NSFL1C: variants seen among roughly 807,000 people sequenced by gnomAD.
NSFL1C encodes NSFL1 cofactor p47.
A neutral mutation model predicts 43.1 loss-of-function variants in NSFL1C; 14 were observed. That is an observed-to-expected ratio of 0.32 (90% CI 0.21 to 0.51). The LOEUF is 0.51. NSFL1C is among the 20% of genes least tolerant of loss of function. NSFL1C has a pLI of 0.98. For synonymous variants in NSFL1C, 171 were observed against 183.5 expected, an observed-to-expected ratio of 0.93 and a Z score of 0.55; for missense variants, 406 against 472.5, an observed-to-expected ratio of 0.86 and a Z score of 1.30.
At chr20:1,444,379 G>A (rs1327577984) in intron 8 of NSFL1C, among the ~76,000 whole-genome samples, 1 of 152,194 alleles carries the variant, frequency 6.6e-6, no homozygotes, top group East Asian at 1.9e-4. Context: ...TCTGATTAGT[G>A]TCTCCTCCTG....
intron 2 of NSFL1C, among the ~76,000 whole-genome samples, chr20:1,460,346 C>G (rs1485785963): frequency 6.6e-6 from 1 of 152,172 alleles, no homozygotes; most frequent in African/African-American, 2.4e-5. Context: ...GAATCAGAGC[C>G]TCTGGAAGGG....
chr20:1,457,303 T>A (rs570938306), intron 3 of NSFL1C, among the ~76,000 whole-genome samples: 4 of 152,356 alleles, frequency 2.6e-5, no homozygotes, highest in East Asian at 1.9e-4. Context: ...CCTTATTTTT[T>A]AAAATTGTAA....
intron 1 of NSFL1C, among the ~76,000 whole-genome samples, chr20:1,465,710 C>A (rs1223526347): frequency 6.6e-6 from 1 of 152,190 alleles, no homozygotes; most frequent in Admixed American, 6.5e-5. Flanking sequence ...CTAGTCTTTA[C>A]CTCATAGTGT....
chr20:1,466,812 G>T lies in NSFL1C; in HGVS notation c.13C>A (p.Arg5=). 1 of 1,544,714 alleles carries T rather than the reference G, an allele frequency of 6.5e-7. No individual in the cohort carries two copies. The highest frequency in any genetic ancestry group is 1.2e-5 in the South Asian group (1 of 83,824). MAAE[R]QEALREFVAV... is the part of the protein sequence containing the mutation. ...ACGAACTCCCTCAGCGCCTCCTGTC[G>T]CTCCGCCGCCATCTTCGCCCCGTGC... The change falls in exon 1 of 9, where the codon CGA becomes AGA. Residue 5 remains arginine, a synonymous_variant. Coordinates refer to ENST00000216879, the MANE Select transcript of NSFL1C (RefSeq NM_016143.5).
intron 7 of NSFL1C, among the ~76,000 whole-genome samples, chr20:1,451,734 A>T (rs1599947317): frequency 6.6e-6 from 1 of 152,248 alleles, no homozygotes; most frequent in East Asian, 1.9e-4. Flanking sequence ...GTCTGGTGGG[A>T]GAACCGTATG....
At chr20:1,447,978 T>C (rs1282972719) in intron 7 of NSFL1C, among the ~76,000 whole-genome samples, 1 of 152,222 alleles carries the variant, frequency 6.6e-6, no homozygotes, top group East Asian at 1.9e-4. Context: ...TCAGTATATA[T>C]TCTGTGTATT....
chr20:1,463,455 A>C (rs981981703), intron 2 of NSFL1C: 2 of 152,234 alleles, frequency 1.3e-5, no homozygotes, highest in African/African-American at 2.4e-5. Flanking sequence ...GATGGGAGTT[A>C]GGGAAAGAAG....
chr20:1,445,609 T>TC (rs2090040912), intron 8 of NSFL1C, 57 bp downstream of exon 8: 1 of 1,575,154 alleles, frequency 6.3e-7, no homozygotes, highest in African/African-American at 1.4e-5. Context: ...TCCCACACAT[T>TC]TGCGTGAGGC....
At chr20:1,458,127 T>C (rs2090339478) in intron 3 of NSFL1C, 73 bp downstream of exon 3, 1 of 1,163,114 alleles carries the variant, frequency 8.6e-7, no homozygotes, top group African/African-American at 1.5e-5. Flanking sequence ...TACCAGGTCC[T>C]GTTCTAGGTG....
At position 1,442,508 on chromosome 20, in the gene NSFL1C, C is replaced by G. The variant is rs1490480927; in HGVS notation, c.*1241G>C. On this transcript the variant is annotated 3_prime_UTR_variant, in exon 9 of 9. Transcript: ENST00000216879. ...ACATTACGATTCCAAACCAGGAGAT[C>G]CTGAGTCAGCACTGATTCTGTCTCT... is the stretch of plus-strand genomic sequence containing the variant. The G allele has an allele frequency of 6.6e-6, 1 of 152,180 alleles. No individual in the cohort carries two copies. Among genetic ancestry groups the G allele is most frequent in the Non-Finnish European group, 1.5e-5 (1 of 68,040 alleles). The allele number at this position is 152,180 out of a possible 1,614,324, so 9.4% of individuals were successfully genotyped here.
chr20:1,460,922 A>G (rs2090396720), intron 2 of NSFL1C, among the ~76,000 whole-genome samples: 1 of 152,202 alleles, frequency 6.6e-6, no homozygotes, highest in Admixed American at 6.6e-5. Flanking sequence ...TTGACCCTGC[A>G]TACAGGGGTG....
intron 2 of NSFL1C, among the ~76,000 whole-genome samples, chr20:1,461,008 G>A (rs150301167): frequency 5.3e-4 from 80 of 152,246 alleles, no homozygotes; most frequent in Middle Eastern, 3.4e-3. Flanking sequence ...TTGAATCTGT[G>A]GTAACAGCAG....
chr20:1,455,785 A>C (rs745907813), intron 3 of NSFL1C: 1 of 777,934 alleles, frequency 1.3e-6, no homozygotes, highest in South Asian at 1.3e-5. Flanking sequence ...AGAGTAATGC[A>C]CACAGGTAAG....
In NSFL1C at chr20:1,455,496, G is replaced by A. The variant is rs535145939; in HGVS notation, c.279-364C>T. Among the ~76,000 whole-genome samples, 4 of 152,296 alleles carry A rather than the reference G, an allele frequency of 2.6e-5. No homozygotes were observed. The South Asian group carries it at 8.3e-4, about 32-fold the overall frequency. On this transcript the variant is annotated intron_variant, in intron 3 of 8. Coordinates refer to ENST00000216879, the MANE Select transcript of NSFL1C (RefSeq NM_016143.5). ...TCTCAGCTGGGACTATCAATCTGGTGGCCAGGCTCCTCTCCAGGAGACAGT... is the reference window on the plus strand; with the variant it reads ...TCTCAGCTGGGACTATCAATCTGGTAGCCAGGCTCCTCTCCAGGAGACAGT...
intron 2 of NSFL1C, among the ~76,000 whole-genome samples, chr20:1,460,865 T>A (rs1023224764): frequency 1.3e-5 from 2 of 152,220 alleles, no homozygotes; most frequent in Non-Finnish European, 2.9e-5. Flanking sequence ...AGTACAACTT[T>A]TGCTGGATGA....
intron 2 of NSFL1C, among the ~76,000 whole-genome samples, chr20:1,461,726 C>T (rs1599968795): frequency 6.6e-6 from 1 of 152,020 alleles, no homozygotes; most frequent in East Asian, 1.9e-4. Flanking sequence ...GGAAAGATAC[C>T]CAACTTCAGT....
At chr20:1,452,693 A>G in intron 6 of NSFL1C, 63 bp from the exon 7 acceptor site, 1 of 1,596,518 alleles carries the variant, frequency 6.3e-7, no homozygotes, top group Non-Finnish European at 8.5e-7. Flanking sequence ...GTGATGGGAA[A>G]AGGGGAGAAG....
intron 2 of NSFL1C, 53 bp from the exon 3 acceptor site, chr20:1,458,327 C>T: frequency 6.8e-7 from 1 of 1,461,542 alleles, no homozygotes; most frequent in African/African-American, 1.4e-5. Context: ...AGAAAGGTAA[C>T]CCTCATCACC....
chr20:1,453,359 T>G (rs1396886407), intron 5 of NSFL1C, among the ~76,000 whole-genome samples: 1 of 152,182 alleles, frequency 6.6e-6, no homozygotes, highest in Admixed American at 6.5e-5. Context: ...GAGCAGGGGT[T>G]TTGTTTTAGG....
Sources: gnomAD v4.1 joint callset for allele counts (sites outside exome capture counted in the v4.1 genomes callset) on GRCh38, gnomAD v4.1.1 for gene constraint, MANE v1.5 for transcripts, NCBI Gene and HGNC (gene_info 2026-07-23, HGNC 2026-07-21) for gene names.